Variants in PCDH15 observed in about 807,000 individuals in gnomAD.
The protein encoded by PCDH15 is protocadherin-15.
PCDH15 carries 129 observed loss-of-function variants against 178.5 expected under a neutral mutation model. The ratio of observed to expected loss-of-function variants is 0.72; its 90% CI spans 0.63 to 0.84. The LOEUF (loss-of-function observed/expected upper bound fraction) is 0.84. Ranked by LOEUF, PCDH15 falls within the 40% of genes least tolerant of loss-of-function variation. The probability of loss-of-function intolerance (pLI) is 0.00; values close to 1 mark genes in which losing one functional copy is unlikely to be tolerated. For synonymous variants in PCDH15, 800 were observed against 732.0 expected, an observed-to-expected ratio of 1.09 and a Z score of -1.50; for missense variants, 2,230 against 2,099.9, an observed-to-expected ratio of 1.06 and a Z score of -1.21.
intron 2 of PCDH15, among the ~76,000 whole-genome samples, chr10:54,978,529 G>A (rs1332047414): frequency 6.6e-6 from 1 of 152,106 alleles, no homozygotes; most frequent in African/African-American, 2.4e-5. Flanking sequence ...GGAAGCTGTA[G>A]ACACAGAAGA....
intron 2 of PCDH15, among the ~76,000 whole-genome samples, chr10:55,365,172 T>C (rs1845324769): frequency 6.6e-6 from 1 of 152,156 alleles, no homozygotes. Flanking sequence ...TTGTAAGTTG[T>C]GTTAGCCAGA....
At chr10:53,925,708 G>T (rs1166492588) in intron 25 of PCDH15, among the ~76,000 whole-genome samples, 3 of 152,164 alleles carry the variant, frequency 2.0e-5, no homozygotes, top group Non-Finnish European at 4.4e-5. Context: ...TATTTGTAGA[G>T]TAATAGTGTT....
chr10:55,019,426 T>A (rs2131952573), intron 2 of PCDH15, among the ~76,000 whole-genome samples: 1 of 152,306 alleles, frequency 6.6e-6, no homozygotes, highest in East Asian at 1.9e-4. Context: ...TACATGACTT[T>A]CAAATGAGAC....
intron 2 of PCDH15, among the ~76,000 whole-genome samples, chr10:55,109,221 T>G (rs1205314398): frequency 7.9e-5 from 12 of 152,210 alleles, no homozygotes; most frequent in Admixed American, 7.9e-4. Flanking sequence ...GAACTAAGAT[T>G]CATAACCACT....
chr10:53,984,787 T>C (rs2090981986), intron 21 of PCDH15, among the ~76,000 whole-genome samples: 1 of 152,242 alleles, frequency 6.6e-6, no homozygotes, highest in Non-Finnish European at 1.5e-5. Context: ...TTTTAATACA[T>C]TTAAGGAGTA....
chr10:55,142,070 ATTGT>A (rs1838367955), intron 2 of PCDH15, among the ~76,000 whole-genome samples: 1 of 152,138 alleles, frequency 6.6e-6, no homozygotes, highest in Non-Finnish European at 1.5e-5. Flanking sequence ...GAATGAGATC[ATTGT>A]TTGGAAACAT....
At chr10:55,194,543 C>T (rs934166419) in intron 1 of PCDH15, among the ~76,000 whole-genome samples, 7 of 152,012 alleles carry the variant, frequency 4.6e-5, no homozygotes, top group African/African-American at 1.7e-4. Flanking sequence ...GCTCCAAAAT[C>T]TGTGTTTTCA....
Position 54,023,065 on chromosome 10 carries a change from A to G in PCDH15, c.2353T>C (p.Tyr785His), listed in dbSNP as rs757346013. Residue 785 changes from tyrosine (Y) to histidine (H), a missense_variant, in exon 19 of 38, where the codon TAT becomes CAT. Coordinates refer to ENST00000644397, the MANE Select transcript of PCDH15 (RefSeq NM_001384140.1). The part of the protein sequence containing the change: ...VKLNREVRDY[Y>H]ELVVVATDGA... ...TCTGTTGCCACAACAACAAGTTCAT[A>G]GTAGTCCCTGACTTCTCTGTTAAGC... 8 of 1,614,038 alleles carry G rather than the reference A, an allele frequency of 5.0e-6. No homozygotes were observed. The highest frequency in any genetic ancestry group is 6.8e-6 in the Non-Finnish European group (8 of 1,179,924).
chr10:53,976,448 AC>A (rs2090188473), intron 21 of PCDH15, among the ~76,000 whole-genome samples: 1 of 151,728 alleles, frequency 6.6e-6, no homozygotes, highest in African/African-American at 2.4e-5. Context: ...TCAAACACCA[AC>A]CTCCTTCCTA....
chr10:55,304,033 A>T lies in PCDH15; in HGVS notation c.-156+15566T>A, dbSNP rs140846368. ...CAAATGTATGTATTTAGTGCTTTAC[A>T]TTTCCCTCTAATAACCATTTTATCT... On this transcript the variant is annotated intron_variant, in intron 1 of 5. Coordinates refer to the PCDH15 transcript ENST00000458638. 4.5e-3 allele frequency among the ~76,000 whole-genome samples: 680 copies of T among 152,192 alleles called. 8 individuals carry two copies. Among genetic ancestry groups the T allele is most frequent in the African/African-American group, 0.015 (633 of 41,512 alleles).
intron 2 of PCDH15, among the ~76,000 whole-genome samples, chr10:55,012,988 T>A (rs541924531): frequency 6.6e-6 from 1 of 152,290 alleles, no homozygotes; most frequent in Non-Finnish European, 1.5e-5. Context: ...ATTAAAGACA[T>A]AATTTATCTC....
chr10:54,518,937 A>G (rs2082530832), intron 3 of PCDH15, among the ~76,000 whole-genome samples: 2 of 152,238 alleles, frequency 1.3e-5, no homozygotes. Flanking sequence ...AATCCAGCAT[A>G]TAAACAGATC....
intron 2 of PCDH15, among the ~76,000 whole-genome samples, chr10:55,007,757 G>C (rs1180666350): frequency 6.6e-6 from 1 of 152,054 alleles, no homozygotes; most frequent in Non-Finnish European, 1.5e-5. Flanking sequence ...AAAGTGATCT[G>C]ACAAATCTAA....
At chr10:55,203,414 A>G in intron 1 of PCDH15, among the ~76,000 whole-genome samples, 1 of 152,036 alleles carries the variant, frequency 6.6e-6, no homozygotes, top group South Asian at 2.1e-4. Flanking sequence ...TGCTACGTGG[A>G]GAGTCCTATT....
chr10:54,261,319 A>C (rs2132296954), intron 8 of PCDH15, among the ~76,000 whole-genome samples: 1 of 152,212 alleles, frequency 6.6e-6, no homozygotes, highest in African/African-American at 2.4e-5. Context: ...GATAAATGAC[A>C]GATTTTGGAA....
intron 1 of PCDH15, among the ~76,000 whole-genome samples, chr10:54,756,094 C>CACACACACTCACAT (rs1947070345): frequency 2.1e-5 from 3 of 145,134 alleles, no homozygotes; most frequent in Admixed American, 2.0e-4. Context: ...CACACACACA[C>CACACACACTCACAT]ACAAAATTAG....
At position 54,436,002 on chromosome 10, in the gene PCDH15, A is replaced by AAGAGG. The variant is rs1174759847; in HGVS notation, c.158-57065_158-57061dup. 5.5e-3 allele frequency among the ~76,000 whole-genome samples: 702 copies of AAGAGG among 127,826 alleles called. 4 individuals carry two copies. Among genetic ancestry groups the AAGAGG allele is most frequent in the East Asian group, 0.042 (202 of 4,760 alleles). 83.9% of individuals were successfully genotyped at this position (127,826 alleles called of 152,430 possible). ...TGAAAGAAAGAAAAGAAAAGAAAAG[A>AAGAGG]AGAGGAGAGGAGAGGAGAGGAGAGG... On this transcript the variant is annotated intron_variant, in intron 3 of 37. Transcript: ENST00000644397.
At chr10:54,557,614 C>T (rs371407225) in intron 2 of PCDH15, among the ~76,000 whole-genome samples, 108 of 152,214 alleles carry the variant, frequency 7.1e-4, no homozygotes, top group Middle Eastern at 3.4e-3. Context: ...AAATCATCAC[C>T]TGGAGATTTC....
intron 2 of PCDH15, among the ~76,000 whole-genome samples, chr10:54,556,721 T>C (rs548106188): frequency 6.6e-6 from 1 of 150,936 alleles, no homozygotes; most frequent in South Asian, 2.1e-4. Context: ...GGCCACTCCA[T>C]AGAGATTTCA....
Sources: allele counts gnomAD v4.1 joint callset (sites outside exome capture counted in the v4.1 genomes callset), GRCh38; gene constraint gnomAD v4.1.1; transcripts MANE v1.5; gene names NCBI Gene and HGNC (gene_info 2026-07-23, HGNC 2026-07-21).